Variants in RNF169 observed in about 807,000 individuals in gnomAD.
RNF169 encodes ring finger protein 169.
A neutral mutation model predicts 53.9 loss-of-function variants in RNF169; 24 were observed. The ratio of observed to expected loss-of-function variants is 0.45; its 90% CI spans 0.32 to 0.63. The LOEUF (loss-of-function observed/expected upper bound fraction) is 0.63, where lower values mean the gene tolerates loss of function less well. Among genes scored for constraint, RNF169 ranks in the 20% least tolerant of loss-of-function variants. The probability of loss-of-function intolerance (pLI) is 0.04; values close to 1 mark genes in which losing one functional copy is unlikely to be tolerated. For missense variants in RNF169, 883 were observed against 906.2 expected (o/e 0.97, Z 0.33); for synonymous variants, 396 against 363.5 (o/e 1.09, Z -1.02).
intron 2 of RNF169, among the ~76,000 whole-genome samples, chr11:74,801,597 A>G (rs75514818): frequency 0.025 from 3,748 of 152,292 alleles, 160 homozygotes; most frequent in African/African-American, 0.085. Flanking sequence ...TGATAGCTCT[A>G]TTAAAGAAAA....
intron 2 of RNF169, among the ~76,000 whole-genome samples, chr11:74,794,977 T>G (rs1230373320): frequency 6.6e-6 from 1 of 152,088 alleles, no homozygotes; most frequent in Non-Finnish European, 1.5e-5. Context: ...TTGAAAAGTT[T>G]TTATTTCTGT....
intron 1 of RNF169, among the ~76,000 whole-genome samples, chr11:74,774,361 A>C (rs1002397041): frequency 1.3e-5 from 2 of 151,126 alleles, no homozygotes; most frequent in Non-Finnish European, 3.0e-5. Flanking sequence ...AAAAAAACCC[A>C]AAAAAACAAG....
rs1312637820 is a variant in RNF169, at chr11:74,838,420, C to T, written c.*1690C>T. The T allele has an allele frequency of 6.6e-6, 1 of 152,192 alleles. No individual in the cohort carries two copies. The highest frequency in any genetic ancestry group is 1.5e-5 in the Non-Finnish European group (1 of 68,040). 9.4% of individuals were successfully genotyped at this position (152,192 alleles called of 1,614,324 possible). A position where few individuals can be genotyped will look rare whatever the true frequency, so the allele number is the denominator to read the frequency against. ...GCCTCTGGGAAAGAAGGTGGCTTAT[C>T]AAGTGGGTTTGTAGTAATGAGTGCT... On this transcript the variant is annotated 3_prime_UTR_variant, in exon 6 of 6. Coordinates refer to ENST00000299563, the MANE Select transcript of RNF169 (RefSeq NM_001098638.2).
In RNF169 at chr11:74,837,631, G is replaced by T. The variant is rs1331807683; in HGVS notation, c.*901G>T. The T allele has an allele frequency of 6.6e-6, 1 of 152,194 alleles. No individual in the cohort carries two copies. Among genetic ancestry groups the T allele is most frequent in the East Asian group, 1.9e-4 (1 of 5,206 alleles). 9.4% of individuals were successfully genotyped at this position (152,194 alleles called of 1,614,324 possible). On this transcript the variant is annotated 3_prime_UTR_variant, in exon 6 of 6. Transcript: ENST00000299563. ...TTTAGAGCCTTCTGCTTTTCTGGGG[G>T]TTTCAGCCTATGAGACAAACTATAA...
intron 1 of RNF169, among the ~76,000 whole-genome samples, chr11:74,771,421 C>G (rs2035258327): frequency 1.3e-5 from 2 of 152,162 alleles, no homozygotes; most frequent in Non-Finnish European, 2.9e-5. Context: ...TAATTATTAA[C>G]TGGTCGCTAT....
chr11:74,821,245 A>T (rs1255792437), intron 4 of RNF169, among the ~76,000 whole-genome samples: 2 of 152,238 alleles, frequency 1.3e-5, no homozygotes, highest in Non-Finnish European at 2.9e-5. Context: ...TGGTTGCTAC[A>T]GAGAAAAGTG....
chr11:74,802,510 G>T (rs1193901998), intron 2 of RNF169, among the ~76,000 whole-genome samples: 1 of 152,124 alleles, frequency 6.6e-6, no homozygotes, highest in Non-Finnish European at 1.5e-5. Context: ...AGGCGCGATG[G>T]TGCACAGCTG....
In RNF169 at chr11:74,839,631, TTTA is replaced by T. The variant is rs1387481245; in HGVS notation, c.*2908_*2910del. On this transcript the variant is annotated 3_prime_UTR_variant, in exon 6 of 6. Coordinates refer to ENST00000299563, the MANE Select transcript of RNF169 (RefSeq NM_001098638.2). ...CTTGTATATATGCATTCTGGGTTTTTTTATTATTAAAGGGGAAGTTAGGGGGGA... is the reference window on the plus strand; with the variant it reads ...CTTGTATATATGCATTCTGGGTTTTTTTATTAAAGGGGAAGTTAGGGGGGA... The T allele has an allele frequency of 1.3e-5, 2 of 152,312 alleles. No homozygotes were observed. Among genetic ancestry groups the T allele is most frequent in the Non-Finnish European group, 2.9e-5 (2 of 68,010 alleles). 9.4% of individuals were successfully genotyped at this position (152,312 alleles called of 1,614,324 possible).
intron 2 of RNF169, among the ~76,000 whole-genome samples, chr11:74,795,931 A>G (rs765995842): frequency 6.6e-5 from 10 of 152,180 alleles, no homozygotes; most frequent in South Asian, 2.1e-4. Flanking sequence ...GACTTTTTCA[A>G]CTTACTCTCT....
chr11:74,768,496 A>G (rs572651356), intron 1 of RNF169, among the ~76,000 whole-genome samples: 4 of 152,012 alleles, frequency 2.6e-5, no homozygotes, highest in African/African-American at 9.7e-5. Flanking sequence ...AGTCCCAGCT[A>G]CTCAGGATGC....
chr11:74,754,737 T>C (rs1464013634), intron 1 of RNF169, among the ~76,000 whole-genome samples: 1 of 152,182 alleles, frequency 6.6e-6, no homozygotes, highest in African/African-American at 2.4e-5. Flanking sequence ...GGAGATTCGC[T>C]TCAACCCGGG....
chr11:74,810,782 A>T (rs186058416), intron 3 of RNF169, among the ~76,000 whole-genome samples: 1 of 152,202 alleles, frequency 6.6e-6, no homozygotes, highest in Non-Finnish European at 1.5e-5. Context: ...TCTATATTCA[A>T]TTAGACTTCT....
chr11:74,817,583 G>A lies in RNF169; in HGVS notation c.724-13G>A. On this transcript the variant is annotated splice_polypyrimidine_tract_variant and intron_variant, in intron 3 of 5. Transcript: ENST00000299563. Reference sequence around the variant, plus strand: ...CCAAATGGACAGTGTTGTCTCCCTTGTCTCCCTGCCAGTGTCCTGCACGTC... The same window carrying A: ...CCAAATGGACAGTGTTGTCTCCCTTATCTCCCTGCCAGTGTCCTGCACGTC... The A allele has an allele frequency of 6.4e-7, 1 of 1,556,748 alleles. No individual in the cohort carries two copies. The highest frequency in any genetic ancestry group is 2.2e-5 in the East Asian group (1 of 44,622).
intron 1 of RNF169, among the ~76,000 whole-genome samples, chr11:74,757,922 C>T (rs1321046596): frequency 2.7e-5 from 2 of 74,880 alleles, no homozygotes; most frequent in African/African-American, 1.9e-4. Context: ...GAGTAGGTTG[C>T]GAAAATTTTC....
chr11:74,787,743 GT>G (rs1219759897), intron 1 of RNF169, among the ~76,000 whole-genome samples: 2 of 152,172 alleles, frequency 1.3e-5, no homozygotes, highest in African/African-American at 4.8e-5. Flanking sequence ...GGGCAATTTG[GT>G]GTTCCTCTCA....
intron 4 of RNF169, chr11:74,831,865 T>G (rs1337964098): frequency 6.6e-6 from 1 of 152,120 alleles, no homozygotes; most frequent in Non-Finnish European, 1.5e-5. Context: ...GTCAACTGAT[T>G]TCCAACAAGG....
chr11:74,814,331 AAAAC>A (rs1372607188), intron 3 of RNF169, among the ~76,000 whole-genome samples: 2 of 151,520 alleles, frequency 1.3e-5, no homozygotes, highest in African/African-American at 4.8e-5. Context: ...CTCTGTCTCA[AAAAC>A]AAACAAACAA....
At chr11:74,819,290 G>A (rs551491251) in intron 4 of RNF169, among the ~76,000 whole-genome samples, 95 of 152,202 alleles carry the variant, frequency 6.2e-4, no homozygotes, top group Non-Finnish European at 1.1e-3. Flanking sequence ...TTTTATAAAT[G>A]GAAGACTAAA....
chr11:74,802,836 A>G (rs1186585045), intron 2 of RNF169, among the ~76,000 whole-genome samples: 1 of 151,928 alleles, frequency 6.6e-6, no homozygotes, highest in Admixed American at 6.6e-5. Context: ...AGTGGAAATC[A>G]AGGATGCATA....
Sources: allele counts gnomAD v4.1 joint callset (sites outside exome capture counted in the v4.1 genomes callset), GRCh38; gene constraint gnomAD v4.1.1; transcripts MANE v1.5; gene names NCBI Gene and HGNC (gene_info 2026-07-23, HGNC 2026-07-21).